KCNMA1: variants seen among roughly 807,000 people sequenced by gnomAD.
KCNMA1 encodes the protein Calcium-activated potassium channel subunit alpha-1.
Under a neutral mutation model 140.0 loss-of-function variants are expected in KCNMA1, and 29 were observed. The observed-to-expected ratio is 0.21, with a 90% CI of 0.15 to 0.28. The LOEUF is 0.28. Ranked by LOEUF, KCNMA1 falls within the 10% of genes least tolerant of loss-of-function variation. The pLI is 1.00. For missense variants in KCNMA1, 880 were observed against 1,602.2 expected (o/e 0.55, Z 7.70); for synonymous variants, 612 against 611.9 (o/e 1.00, Z 0.00).
At chr10:77,181,636 A>C (rs1179648428) in intron 5 of KCNMA1, among the ~76,000 whole-genome samples, 3 of 152,226 alleles carry the variant, frequency 2.0e-5, no homozygotes, top group Admixed American at 6.5e-5. Flanking sequence ...AAGCTACAGC[A>C]GCTGGGACTG....
At chr10:77,058,325 A>G (rs770527875) in intron 14 of KCNMA1, among the ~76,000 whole-genome samples, 3 of 152,148 alleles carry the variant, frequency 2.0e-5, no homozygotes, top group Non-Finnish European at 4.4e-5. Flanking sequence ...AGACTTCAGC[A>G]TCCTTCTCGT....
intron 14 of KCNMA1, among the ~76,000 whole-genome samples, chr10:77,059,058 G>A (rs1254009642): frequency 6.6e-6 from 1 of 151,230 alleles, no homozygotes; most frequent in African/African-American, 2.4e-5. Context: ...GACAATAATG[G>A]GATACTATGA....
chr10:77,307,703 C>G (rs911078541), intron 2 of KCNMA1, among the ~76,000 whole-genome samples: 4 of 152,114 alleles, frequency 2.6e-5, no homozygotes, highest in Non-Finnish European at 5.9e-5. Flanking sequence ...CGCACCACCA[C>G]GCCCAGCTAA....
intron 3 of KCNMA1, among the ~76,000 whole-genome samples, chr10:77,237,161 T>G (rs2055791234): frequency 6.6e-6 from 1 of 152,234 alleles, no homozygotes; most frequent in South Asian, 2.1e-4. Context: ...AAAAGAACAA[T>G]ACCAATAATA....
At chr10:77,401,549 G>A (rs929733925) in intron 2 of KCNMA1, among the ~76,000 whole-genome samples, 6 of 152,210 alleles carry the variant, frequency 3.9e-5, no homozygotes, top group Admixed American at 1.3e-4. Flanking sequence ...TTCCCAGAGC[G>A]CCAGGCTCCT....
At position 77,506,596 on chromosome 10, in the gene KCNMA1, A is replaced by AGAGAGAGAGAGAGAGTGTGTGT; in HGVS notation, c.379-102574_379-102573insACACACACTCTCTCTCTCTCTC. Among the ~76,000 whole-genome samples the AGAGAGAGAGAGAGAGTGTGTGT allele has an allele frequency of 7.1e-4, 59 of 83,564 alleles. 3 individuals carry two copies. The highest frequency in any genetic ancestry group is 4.2e-3 in the African/African-American group (56 of 13,406). 54.8% of individuals were successfully genotyped at this position (83,564 alleles called of 152,430 possible). A position where few individuals can be genotyped will look rare whatever the true frequency, so the allele number is the denominator to read the frequency against. ...TAGAGAGAGAGAGAGAGAGAGAGAG[A>AGAGAGAGAGAGAGAGTGTGTGT]GTGTGTGTGTGTGTGTGTGTGTGTT... On this transcript the variant is annotated intron_variant, in intron 1 of 27. Transcript: ENST00000286628.
At chr10:77,272,521 C>T (rs2065449015) in intron 2 of KCNMA1, among the ~76,000 whole-genome samples, 1 of 152,104 alleles carries the variant, frequency 6.6e-6, no homozygotes, top group Non-Finnish European at 1.5e-5. Context: ...CTTGCATCCT[C>T]AATGAATACT....
intron 2 of KCNMA1, among the ~76,000 whole-genome samples, chr10:77,335,580 T>A (rs2154370367): frequency 6.6e-6 from 1 of 152,164 alleles, no homozygotes; most frequent in East Asian, 1.9e-4. Flanking sequence ...CCTAGGTGAT[T>A]CTAATGTGTA....
At chr10:77,398,581 A>C (rs1000702257) in intron 2 of KCNMA1, among the ~76,000 whole-genome samples, 1 of 152,202 alleles carries the variant, frequency 6.6e-6, no homozygotes, top group Admixed American at 6.5e-5. Flanking sequence ...TAAGTTCCTC[A>C]TGAATTCTGG....
At chr10:77,122,499 C>T (rs2097634755) in intron 5 of KCNMA1, among the ~76,000 whole-genome samples, 2 of 151,446 alleles carry the variant, frequency 1.3e-5, no homozygotes, top group South Asian at 2.1e-4. Context: ...CCGACCACGG[C>T]GCAGAGTACA....
intron 19 of KCNMA1, chr10:76,995,838 T>C (rs1310521540): frequency 1.1e-5 from 4 of 373,688 alleles, no homozygotes; most frequent in South Asian, 8.0e-5. Context: ...TATTACAGCA[T>C]GGTGTCCCTG....
At chr10:76,896,355 G>A (rs1014881868) in intron 25 of KCNMA1, among the ~76,000 whole-genome samples, 21 of 152,122 alleles carry the variant, frequency 1.4e-4, no homozygotes, top group African/African-American at 4.3e-4. Context: ...AGACTTTAAG[G>A]TTATCTCCCT....
At chr10:77,521,386 C>T (rs755212808) in intron 1 of KCNMA1, among the ~76,000 whole-genome samples, 5 of 152,216 alleles carry the variant, frequency 3.3e-5, no homozygotes, top group Non-Finnish European at 5.9e-5. Flanking sequence ...AGTTACCATC[C>T]TGGTGCCTAA....
intron 1 of KCNMA1, chr10:77,636,541 A>G: frequency 6.5e-7 from 1 of 1,536,192 alleles, no homozygotes. Flanking sequence ...CAGAGGCCGA[A>G]GAACTTGGGG....
chr10:77,398,223 A>G (rs1172929709), intron 2 of KCNMA1, among the ~76,000 whole-genome samples: 1 of 152,178 alleles, frequency 6.6e-6, no homozygotes, highest in Non-Finnish European at 1.5e-5. Flanking sequence ...GGTAGCCACC[A>G]ATTAGTAGAA....
intron 19 of KCNMA1, among the ~76,000 whole-genome samples, chr10:76,996,079 C>T (rs943585323): frequency 2.0e-5 from 3 of 152,158 alleles, no homozygotes; most frequent in African/African-American, 7.2e-5. Context: ...GGTGAAAGCA[C>T]AACAAGGTCC....
intron 3 of KCNMA1, among the ~76,000 whole-genome samples, chr10:77,238,227 A>T (rs866419): frequency 6.6e-6 from 1 of 151,886 alleles, no homozygotes; most frequent in African/African-American, 2.4e-5. Flanking sequence ...CTTCCTCTCC[A>T]ATGGAGGGTG....
intron 23 of KCNMA1, among the ~76,000 whole-genome samples, chr10:76,921,191 C>A (rs1488009834): frequency 6.6e-6 from 1 of 152,118 alleles, no homozygotes; most frequent in African/African-American, 2.4e-5. Context: ...GGTTAGAAAT[C>A]CATATGCTAC....
At chr10:77,390,376 T>G (rs968304768) in intron 2 of KCNMA1, among the ~76,000 whole-genome samples, 1 of 152,220 alleles carries the variant, frequency 6.6e-6, no homozygotes, top group African/African-American at 2.4e-5. Context: ...ACACACAGCA[T>G]AGACCAAGGT....
Sources: gnomAD v4.1 joint callset for allele counts (sites outside exome capture counted in the v4.1 genomes callset) on GRCh38, gnomAD v4.1.1 for gene constraint, MANE v1.5 for transcripts, NCBI Gene and HGNC (gene_info 2026-07-23, HGNC 2026-07-21) for gene names.